The following APOL6 variants were observed in gnomAD, a reference collection of about 807,000 sequenced individuals.
The protein encoded by APOL6 is apolipoprotein L6.
APOL6 carries 1 observed loss-of-function variant against 2.4 expected under a neutral mutation model. That is an observed-to-expected ratio of 0.41 (90% confidence interval 0.15 to 1.94). The LOEUF is 1.94. APOL6 is among the 30% of genes most tolerant of loss of function. The pLI, the probability that APOL6 is intolerant of heterozygous loss-of-function variation, is 0.30. For missense variants in APOL6, 438 were observed against 429.2 expected (o/e 1.02, Z -0.18); for synonymous variants, 189 against 169.3 (o/e 1.12, Z -0.90).
rs1201379291 is a variant in APOL6, at chr22:35,659,428, C to T, written c.864C>T (p.Leu288=). ...LERKLTELTQ[L]YKSLQQKVRS... ...GGAAACTCACAGAACTCACCCAGCT[C>T]TACAAGAGCTTGCAGCAGAAAGTGA... is the stretch of plus-strand genomic sequence containing the variant. The change falls in exon 3 of 3, where the codon CTC becomes CTT. Residue 288 remains leucine (L), a synonymous_variant. Transcript: ENST00000409652. The T allele has an allele frequency of 6.2e-7, 1 of 1,613,690 alleles. No homozygotes were observed. The highest frequency in any genetic ancestry group is 8.5e-7 in the Non-Finnish European group (1 of 1,179,984).
intron 1 of APOL6, among the ~76,000 whole-genome samples, chr22:35,651,277 G>A (rs1924685154): frequency 6.6e-6 from 1 of 152,136 alleles, no homozygotes; most frequent in Non-Finnish European, 1.5e-5. Flanking sequence ...TCTGCTGCAG[G>A]CTCCAGGGAG....
At chr22:35,651,444 A>G (rs1601864495) in intron 1 of APOL6, among the ~76,000 whole-genome samples, 2 of 152,260 alleles carry the variant, frequency 1.3e-5, no homozygotes, top group East Asian at 3.9e-4. Flanking sequence ...TGAATCCAGG[A>G]TAATTTCACC....
At chr22:35,649,955 C>T (rs1447636231) in intron 1 of APOL6, among the ~76,000 whole-genome samples, 1 of 152,136 alleles carries the variant, frequency 6.6e-6, no homozygotes, top group African/African-American at 2.4e-5. Context: ...AAAATGTTTC[C>T]AGATATTAGC....
At position 35,659,668 on chromosome 22, in the gene APOL6, G is replaced by C; in HGVS notation, c.*72G>C. On this transcript the variant is annotated 3_prime_UTR_variant, in exon 3 of 3. Coordinates refer to ENST00000409652, the MANE Select transcript of APOL6 (RefSeq NM_030641.4). ...TATCAAGTACATCTTGGAGATGAGG[G>C]TGCCTGTCCTGGACAGACCTCGGCA... The C allele has an allele frequency of 6.7e-7, 1 of 1,490,968 alleles. No homozygotes were observed. Among genetic ancestry groups the C allele is most frequent in the East Asian group, 2.5e-5 (1 of 40,524 alleles). The allele number at this position is 1,490,968 out of a possible 1,614,324, so 92.4% of individuals were successfully genotyped here.
chr22:35,649,818 T>C (rs1033966162), intron 1 of APOL6, among the ~76,000 whole-genome samples: 3 of 152,124 alleles, frequency 2.0e-5, no homozygotes, highest in Non-Finnish European at 2.9e-5. Flanking sequence ...CCCAGCAACC[T>C]TGTCATGTTC....
intron 1 of APOL6, among the ~76,000 whole-genome samples, chr22:35,654,041 A>G (rs1028775219): frequency 6.6e-6 from 1 of 152,220 alleles, no homozygotes; most frequent in South Asian, 2.1e-4. Flanking sequence ...ATTATAAAGG[A>G]TCCAACTCAA....
chr22:35,659,213 C>G lies in APOL6; in HGVS notation c.649C>G (p.Gln217Glu). ...TGQVSSRSRV[Q>E]VQKAFAGTTL... is the part of the protein sequence containing the mutation. The stretch of plus-strand genomic sequence containing the variant: ...CCAAGTCTCCTCCCGGAGCCGCGTG[C>G]AGGTGCAAAAGGCCTTTGCGGGAAC... Residue 217 changes from glutamine (Q) to glutamate (E), a missense_variant, in exon 3 of 3, where the codon CAG becomes GAG. Transcript: ENST00000409652. The G allele has an allele frequency of 4.3e-6, 7 of 1,614,214 alleles. No homozygotes were observed. The highest frequency in any genetic ancestry group is 5.9e-6 in the Non-Finnish European group (7 of 1,180,038).
In APOL6 at chr22:35,667,305, C is replaced by T. The variant is rs1330886703; in HGVS notation, c.*7709C>T. 5 of 152,156 alleles carry T rather than the reference C, an allele frequency of 3.3e-5. No individual in the cohort carries two copies. The highest frequency in any genetic ancestry group is 1.2e-4 in the African/African-American group (5 of 41,430). The allele number at this position is 152,156 out of a possible 1,614,324, so 9.4% of individuals were successfully genotyped here. On this transcript the variant is annotated 3_prime_UTR_variant, in exon 3 of 3. Coordinates refer to ENST00000409652, the MANE Select transcript of APOL6 (RefSeq NM_030641.4). ...TGGCTGGGCATGGCTTTAAGAAAGT[C>T]TTATCTGAGATTCCTCCTGTGGAAC...
chr22:35,659,602 C>G lies in APOL6; in HGVS notation c.*6C>G, dbSNP rs773055383. Reference sequence around the variant, plus strand: ...TGTATGTACAGTTTACATGAATGTTCCTCAGGACATGGCATACAATGGCCT... The same window carrying G: ...TGTATGTACAGTTTACATGAATGTTGCTCAGGACATGGCATACAATGGCCT... On this transcript the variant is annotated 3_prime_UTR_variant, in exon 3 of 3. Transcript: ENST00000409652. 84 of 1,591,170 alleles carry G rather than the reference C, an allele frequency of 5.3e-5. No individual in the cohort carries two copies. The Admixed American group carries it at 1.5e-3, about 28-fold the overall frequency.
intron 1 of APOL6, among the ~76,000 whole-genome samples, chr22:35,650,239 A>G (rs1924652288): frequency 6.6e-6 from 1 of 152,216 alleles, no homozygotes. Flanking sequence ...GAAGGTTTTT[A>G]TCTTTGAAGC....
Position 35,652,428 on chromosome 22 carries a change from T to C in APOL6, c.-48+3805T>C, listed in dbSNP as rs553472517. ...GAGATCCCTTTGTCAATTTTGGCTTTTGTTGCCGTTGCTTTTGGTGTTTTA... is the reference window on the plus strand; with the variant it reads ...GAGATCCCTTTGTCAATTTTGGCTTCTGTTGCCGTTGCTTTTGGTGTTTTA... On this transcript the variant is annotated intron_variant, in intron 1 of 2. Transcript: ENST00000409652. Among the ~76,000 whole-genome samples the C allele has an allele frequency of 9.2e-5, 14 of 152,360 alleles. 1 individual carries two copies. The South Asian group carries it at 2.9e-3, about 32-fold the overall frequency.
At chr22:35,652,828 C>T (rs1401309428) in intron 1 of APOL6, among the ~76,000 whole-genome samples, 1 of 152,006 alleles carries the variant, frequency 6.6e-6, no homozygotes, top group African/African-American at 2.4e-5. Context: ...AGTCAGGTAG[C>T]GTGATGTCTC....
chr22:35,659,240 A>G lies in APOL6; in HGVS notation c.676A>G (p.Thr226Ala), dbSNP rs1176090140. The change falls in exon 3 of 3, where the codon ACA (threonine) becomes GCA (alanine). Residue 226 changes from threonine (T) to alanine (A), a missense_variant. By Grantham distance (58) the Thr-to-Ala change is moderately conservative (BLOSUM62 0). Transcript: ENST00000409652. ...GGTGCAAAAGGCCTTTGCGGGAACAACACTGGCGATGACCAAAAATGCTCG... is the reference window on the plus strand; with the variant it reads ...GGTGCAAAAGGCCTTTGCGGGAACAGCACTGGCGATGACCAAAAATGCTCG... Reference protein sequence around the residue: ...VQVQKAFAGTTLAMTKNARVL... With the variant: ...VQVQKAFAGTALAMTKNARVL... 5.6e-6 allele frequency: 9 copies of G among 1,614,052 alleles called. No homozygotes were observed. The highest frequency in any genetic ancestry group is 6.8e-6 in the Non-Finnish European group (8 of 1,180,022).
rs995486503 is a variant in APOL6, at chr22:35,664,620, T to C, written c.*5024T>C. The C allele has an allele frequency of 6.6e-6, 1 of 152,184 alleles. No individual in the cohort carries two copies. Among genetic ancestry groups the C allele is most frequent in the Non-Finnish European group, 1.5e-5 (1 of 68,034 alleles). The allele number at this position is 152,184 out of a possible 1,614,324, so 9.4% of individuals were successfully genotyped here. A position where few individuals can be genotyped will look rare whatever the true frequency, so the allele number is the denominator to read the frequency against. On this transcript the variant is annotated 3_prime_UTR_variant, in exon 3 of 3. Coordinates refer to ENST00000409652, the MANE Select transcript of APOL6 (RefSeq NM_030641.4). ...TGACTATCACAGTTTTTATAAATAA[T>C]CTAGGTAAACAATTAATAAAATAAC...
rs1924925551 is a variant in APOL6 at position 35,658,906 on chromosome 22, A to C, written c.342A>C (p.Gln114His). Reference protein sequence around the residue: ...GGSLLLSTAGQGLATAAGVTS... With the variant: ...GGSLLLSTAGHGLATAAGVTS... ...GCCTGCTGCTCTCCACCGCTGGTCAAGGTTTGGCAACAGCAGCTGGGGTCA... is the reference window on the plus strand; with the variant it reads ...GCCTGCTGCTCTCCACCGCTGGTCACGGTTTGGCAACAGCAGCTGGGGTCA... The change falls in exon 3 of 3, where the codon CAA becomes CAC. Residue 114 changes from glutamine to histidine, a missense_variant. Gln to His is a conservative substitution (Grantham distance 24). Transcript: ENST00000409652. 1 of 1,614,064 alleles carries C rather than the reference A, an allele frequency of 6.2e-7. No homozygotes were observed. The highest frequency in any genetic ancestry group is 2.2e-5 in the East Asian group (1 of 44,862).
intron 2 of APOL6, among the ~76,000 whole-genome samples, chr22:35,656,802 A>G (rs960023390): frequency 2.6e-5 from 4 of 152,304 alleles, no homozygotes; most frequent in Non-Finnish European, 5.9e-5. Context: ...TCTTCAGCTC[A>G]TATATCACCA....
In APOL6 at chr22:35,659,180, A is replaced by G. The variant is rs748819725; in HGVS notation, c.616A>G (p.Thr206Ala). The change falls in exon 3 of 3, where the codon ACC becomes GCC. Residue 206 changes from threonine (T) to alanine (A), a missense_variant. Physicochemically the swap from Thr to Ala is moderately conservative, Grantham distance 58. Transcript: ENST00000409652. ...GGCCAATGCTACCAAGCGTCTTCTGACCACTGGCCAAGTCTCCTCCCGGAG... is the reference window on the plus strand; with the variant it reads ...GGCCAATGCTACCAAGCGTCTTCTGGCCACTGGCCAAGTCTCCTCCCGGAG... Reference protein sequence around the residue: ...RLANATKRLLTTGQVSSRSRV... With the variant: ...RLANATKRLLATGQVSSRSRV... 2.2e-5 allele frequency: 36 copies of G among 1,614,064 alleles called. No homozygotes were observed. Among genetic ancestry groups the G allele is most frequent in the African/African-American group, 6.7e-5 (5 of 74,934 alleles).
chr22:35,659,367 C>G lies in APOL6; in HGVS notation c.803C>G (p.Ala268Gly), dbSNP rs764318291. ...HLKEGARTKF[A>G]EELRAKALEL... ...AAGGAAGGAGCAAGGACAAAGTTTG[C>G]GGAAGAGTTGAGAGCCAAGGCCTTG... Residue 268 changes from alanine to glycine, a missense_variant, in exon 3 of 3, where the codon GCG (alanine) becomes GGG (glycine). Coordinates refer to ENST00000409652, the MANE Select transcript of APOL6 (RefSeq NM_030641.4). 1 of 1,613,908 alleles carries G rather than the reference C, an allele frequency of 6.2e-7. No homozygotes were observed. The highest frequency in any genetic ancestry group is 8.5e-7 in the Non-Finnish European group (1 of 1,180,008).
chr22:35,658,144 C>T (rs1239932223), intron 2 of APOL6, among the ~76,000 whole-genome samples: 1 of 152,092 alleles, frequency 6.6e-6, no homozygotes, highest in African/African-American at 2.4e-5. Flanking sequence ...TGGCCCCCTC[C>T]ACCCTCCTAC....
Sources: allele counts gnomAD v4.1 joint callset (sites outside exome capture counted in the v4.1 genomes callset), GRCh38; gene constraint gnomAD v4.1.1; transcripts MANE v1.5; gene names NCBI Gene and HGNC (gene_info 2026-07-23, HGNC 2026-07-21).